The following C13orf46 variants were observed in gnomAD, a reference collection of about 807,000 sequenced individuals.
The protein encoded by C13orf46 is uncharacterized protein C13orf46.
chr13:113,947,526 T>G, the C13orf46 span, among the ~76,000 whole-genome samples: 11 of 152,208 alleles, frequency 7.2e-5, no homozygotes, highest in South Asian at 2.3e-3. Context: ...TTAGGCCTTT[T>G]TATTTACCTG....
At chr13:113,936,397 G>T in the C13orf46 span, among the ~76,000 whole-genome samples, 2,370 of 152,190 alleles carry the variant, frequency 0.016, 41 homozygotes, top group East Asian at 0.049. Context: ...AATCCTGGCC[G>T]CCTTCCCTTC....
Position 113,971,804 on chromosome 13 carries a change from G to A in C13orf46, c.191-1582C>T, listed in dbSNP as rs868606569. ...TCCCTGCAGAAACCAAGGCCACGTC[G>A]GACTCTACCAGTGGTCAGCAAGGCC... On this transcript the variant is annotated intron_variant, in intron 1 of 6. Transcript: ENST00000636427. Among the ~76,000 whole-genome samples, 14 of 152,226 alleles carry A rather than the reference G, an allele frequency of 9.2e-5. No individual in the cohort carries two copies. In the East Asian group the frequency reaches 9.6e-4, roughly 10 times the overall value.
the C13orf46 span, among the ~76,000 whole-genome samples, chr13:113,935,948 T>C: frequency 6.6e-6 from 1 of 152,374 alleles, no homozygotes; most frequent in East Asian, 1.9e-4. Context: ...TCACACTGGA[T>C]ATCATTTTAA....
downstream of C13orf46, among the ~76,000 whole-genome samples, chr13:113,949,295 G>A (rs2052480342): frequency 2.0e-5 from 3 of 152,224 alleles, no homozygotes; most frequent in African/African-American, 7.2e-5. Context: ...AGCCCTGGGA[G>A]GTGTTCTAGT....
rs962484543 is a variant in C13orf46 at position 113,962,454 on chromosome 13, C to T, written c.572+2473G>A. On this transcript the variant is annotated intron_variant, in intron 6 of 6. Transcript: ENST00000636427. ...CTGCCAAAGCATTTTCCAATGAACA[C>T]GCAAGTGTGCACGTGAGCTGATGCC... Among the ~76,000 whole-genome samples, 763 of 152,330 alleles carry T rather than the reference C, an allele frequency of 5.0e-3. 8 individuals are homozygous for T. The highest frequency in any genetic ancestry group is 7.9e-3 in the Non-Finnish European group (539 of 68,032).
At chr13:113,946,630 G>A in the C13orf46 span, among the ~76,000 whole-genome samples, 1 of 152,236 alleles carries the variant, frequency 6.6e-6, no homozygotes, top group Non-Finnish European at 1.5e-5. Context: ...AGGGCACTGG[G>A]GTGGGAGCAG....
chr13:113,934,087 C>T, the C13orf46 span, among the ~76,000 whole-genome samples: 8 of 152,136 alleles, frequency 5.3e-5, no homozygotes, highest in Admixed American at 3.9e-4. Context: ...CCACAGCACC[C>T]GCCGGCGTCA....
chr13:113,927,908 C>G, the C13orf46 span: 1 of 310,110 alleles, frequency 3.2e-6, no homozygotes, highest in East Asian at 4.9e-5. Flanking sequence ...CATGTGGCCC[C>G]AGGCGACGTG....
At chr13:113,945,200 G>A in the C13orf46 span, among the ~76,000 whole-genome samples, 2 of 152,126 alleles carry the variant, frequency 1.3e-5, no homozygotes, top group African/African-American at 4.8e-5. Flanking sequence ...TGTGTGATGA[G>A]GCATCTTCCC....
At chr13:113,937,621 TGAGGTGGTCG>T in the C13orf46 span, among the ~76,000 whole-genome samples, 1 of 152,264 alleles carries the variant, frequency 6.6e-6, no homozygotes, top group African/African-American at 2.4e-5. Context: ...ACAACATGCC[TGAGGTGGTCG>T]GCGCAGAGTT....
At chr13:113,946,233 T>C in the C13orf46 span, among the ~76,000 whole-genome samples, 1 of 152,180 alleles carries the variant, frequency 6.6e-6, no homozygotes, top group Admixed American at 6.5e-5. Context: ...CACCGGCCAA[T>C]TGGACCAACG....
At chr13:113,960,383 T>C (rs2052577756) in intron 6 of C13orf46, among the ~76,000 whole-genome samples, 1 of 152,338 alleles carries the variant, frequency 6.6e-6, no homozygotes, top group East Asian at 1.9e-4. Flanking sequence ...AGGTTTTGAT[T>C]TTTAACTCTG....
At chr13:113,971,837 TCTC>T (rs2052709386) in intron 1 of C13orf46, among the ~76,000 whole-genome samples, 1 of 152,108 alleles carries the variant, frequency 6.6e-6, no homozygotes, top group African/African-American at 2.4e-5. Context: ...GCCCGGCCCT[TCTC>T]CTCGGGTCAC....
chr13:113,969,844 C>T (rs1005744663), intron 2 of C13orf46, among the ~76,000 whole-genome samples: 348 of 152,256 alleles, frequency 2.3e-3, no homozygotes, highest in Non-Finnish European at 4.1e-3. Context: ...AGTGAGACGA[C>T]GCCTCCTTCC....
intron 6 of C13orf46, among the ~76,000 whole-genome samples, chr13:113,960,880 CT>C: frequency 6.6e-6 from 1 of 152,188 alleles, no homozygotes. Context: ...TTTTCTGTAC[CT>C]TTTGGTAACT....
At chr13:113,932,355 G>A in the C13orf46 span, among the ~76,000 whole-genome samples, 9 of 152,204 alleles carry the variant, frequency 5.9e-5, no homozygotes, top group East Asian at 1.9e-4. Flanking sequence ...CATGCTGCGC[G>A]CTCCAGTTGC....
chr13:113,928,298 GAA>G, the C13orf46 span: 1 of 152,296 alleles, frequency 6.6e-6, no homozygotes, highest in East Asian at 1.9e-4. Flanking sequence ...AGCCAGAGAA[GAA>G]AGTCTTCGCA....
At chr13:113,961,769 C>G (rs1222782665) in intron 6 of C13orf46, among the ~76,000 whole-genome samples, 1 of 152,048 alleles carries the variant, frequency 6.6e-6, no homozygotes, top group African/African-American at 2.4e-5. Context: ...GTGCAGTGCT[C>G]TGTGTGCTCT....
At chr13:113,951,917 CCA>C (rs1305318133), downstream of C13orf46, among the ~76,000 whole-genome samples, 3 of 152,212 alleles carry the variant, frequency 2.0e-5, no homozygotes, top group Admixed American at 6.5e-5. Context: ...CAACGCGACC[CCA>C]CTCTCGTAAG....
Sources: allele counts gnomAD v4.1 joint callset (sites outside exome capture counted in the v4.1 genomes callset), GRCh38; gene constraint gnomAD v4.1.1; transcripts MANE v1.5; gene names NCBI Gene and HGNC (gene_info 2026-07-23, HGNC 2026-07-21).